ZNF532: variants seen among roughly 807,000 people sequenced by gnomAD.
The protein encoded by ZNF532 is zinc finger protein 532.
ZNF532 carries 22 observed loss-of-function variants against 89.3 expected under a neutral mutation model. The observed-to-expected ratio is 0.25, with a 90% CI of 0.18 to 0.35. ZNF532 has a LOEUF of 0.35. Among genes scored for constraint, ZNF532 ranks in the 10% least tolerant of loss-of-function variants. The probability of loss-of-function intolerance (pLI) is 1.00; values close to 1 mark genes in which losing one functional copy is unlikely to be tolerated. For missense variants in ZNF532, 1,132 were observed against 1,643.4 expected, an observed-to-expected ratio of 0.69 and a Z score of 5.38; for synonymous variants, 606 against 649.6, an observed-to-expected ratio of 0.93 and a Z score of 1.02.
At chr18:58,884,104 C>T (rs1242131090) in intron 2 of ZNF532, among the ~76,000 whole-genome samples, 2 of 152,254 alleles carry the variant, frequency 1.3e-5, no homozygotes, top group African/African-American at 4.8e-5. Context: ...CTTGGCCGGG[C>T]ACAGTGGCTT....
intron 2 of ZNF532, among the ~76,000 whole-genome samples, chr18:58,875,142 T>C (rs2057324396): frequency 6.7e-6 from 1 of 149,172 alleles, no homozygotes; most frequent in African/African-American, 2.5e-5. Flanking sequence ...CTATTTCACC[T>C]TTCCCCCCCC....
intron 2 of ZNF532, among the ~76,000 whole-genome samples, chr18:58,877,815 A>AGGAT (rs894173407): frequency 2.0e-5 from 3 of 152,174 alleles, no homozygotes; most frequent in Admixed American, 6.5e-5. Flanking sequence ...GTGTGTCCTA[A>AGGAT]GGATGGTCAA....
chr18:58,863,557 C>G (rs1274874846), upstream of ZNF532: 1 of 3,056 alleles, frequency 3.3e-4, no homozygotes, highest in Non-Finnish European at 7.2e-4. Context: ...CCACCGCACA[C>G]GCACACACAG....
chr18:58,930,982 C>G (rs1056022234), intron 3 of ZNF532, among the ~76,000 whole-genome samples: 1 of 152,046 alleles, frequency 6.6e-6, no homozygotes, highest in Admixed American at 6.5e-5. Context: ...AATGTGGGTA[C>G]TTTTCGGCTT....
intron 2 of ZNF532, among the ~76,000 whole-genome samples, chr18:58,875,081 A>G (rs918199701): frequency 1.3e-5 from 2 of 152,322 alleles, no homozygotes; most frequent in East Asian, 3.9e-4. Flanking sequence ...GAAAAAAAAC[A>G]GAATATCTTG....
chr18:58,940,852 T>TG (rs2062923513), intron 5 of ZNF532, among the ~76,000 whole-genome samples: 2 of 141,076 alleles, frequency 1.4e-5, no homozygotes, highest in South Asian at 4.4e-4. Flanking sequence ...CCAAATCTGT[T>TG]GCTGTGTTTT....
chr18:58,948,458 C>A (rs1443751237), intron 6 of ZNF532, among the ~76,000 whole-genome samples: 1 of 151,918 alleles, frequency 6.6e-6, no homozygotes, highest in Non-Finnish European at 1.5e-5. Flanking sequence ...TGAAAAGGAA[C>A]CAATGTCTGC....
Position 58,910,004 on chromosome 18 carries a change from G to A in ZNF532, c.-17-8267G>A, listed in dbSNP as rs143138890. Among the ~76,000 whole-genome samples the A allele has an allele frequency of 8.5e-5, 13 of 152,194 alleles. No individual in the cohort carries two copies. In the East Asian group the frequency reaches 2.5e-3, roughly 29 times the overall value. On this transcript the variant is annotated intron_variant, in intron 2 of 9. Coordinates refer to ENST00000591808, the MANE Select transcript of ZNF532 (RefSeq NM_001375912.1). ...GTTTGTAATCCCTGTGTTTTGGGAGGCCAAGGTGGAAGGATCACTGGAGCC... is the reference window on the plus strand; with the variant it reads ...GTTTGTAATCCCTGTGTTTTGGGAGACCAAGGTGGAAGGATCACTGGAGCC...
intron 2 of ZNF532, among the ~76,000 whole-genome samples, chr18:58,890,763 C>T (rs1465410791): frequency 6.6e-6 from 1 of 151,954 alleles, no homozygotes; most frequent in Non-Finnish European, 1.5e-5. Flanking sequence ...CCTCCTCCCC[C>T]ACTCCACCTC....
intron 2 of ZNF532, among the ~76,000 whole-genome samples, chr18:58,908,543 A>G (rs1010910861): frequency 2.0e-5 from 3 of 152,214 alleles, no homozygotes; most frequent in Non-Finnish European, 2.9e-5. Flanking sequence ...ATAAACATTC[A>G]AATAATAGGA....
At chr18:58,965,201 A>G (rs538627915) in intron 7 of ZNF532, among the ~76,000 whole-genome samples, 2 of 152,316 alleles carry the variant, frequency 1.3e-5, no homozygotes, top group South Asian at 4.1e-4. Flanking sequence ...ATTAAAGTAC[A>G]TATTGAACTA....
At chr18:58,907,146 A>T (rs2059979563) in intron 2 of ZNF532, among the ~76,000 whole-genome samples, 1 of 152,086 alleles carries the variant, frequency 6.6e-6, no homozygotes, top group African/African-American at 2.4e-5. Context: ...GTCCTTTCAG[A>T]TATGACCATT....
intron 2 of ZNF532, among the ~76,000 whole-genome samples, chr18:58,883,917 AAAAG>A (rs2058098222): frequency 6.6e-6 from 1 of 152,194 alleles, no homozygotes; most frequent in South Asian, 2.1e-4. Flanking sequence ...TGAAAATTGC[AAAAG>A]AAAGACCTCT....
rs757217274 is a variant in ZNF532, at chr18:58,919,338, C to T, written c.1051C>T (p.Pro351Ser). ...ENSSKGSPSSPAGSTPAIPKV... is the reference protein window; with the variant it reads ...ENSSKGSPSSSAGSTPAIPKV... The stretch of plus-strand genomic sequence containing the variant: ...CAGCAGCAAAGGATCCCCGTCCTCT[C>T]CCGCAGGGTCCACACCAGCAATCCC... Residue 351 changes from proline to serine, a missense_variant, in exon 3 of 10, where the codon CCC (proline) becomes TCC (serine). Coordinates refer to ENST00000591808, the MANE Select transcript of ZNF532 (RefSeq NM_001375912.1). The surrounding 1 kb of genome is among the most constrained non-coding windows in gnomAD (Gnocchi z 6.1). The T allele has an allele frequency of 1.2e-6, 2 of 1,614,196 alleles. No homozygotes were observed. The highest frequency in any genetic ancestry group is 2.2e-5 in the East Asian group (1 of 44,882).
At chr18:58,981,092 C>T (rs3826597) in intron 8 of ZNF532, 21,084 of 212,302 alleles carry the variant, frequency 0.099, 1,829 homozygotes, top group African/African-American at 0.27. Flanking sequence ...GCTTTTGTGC[C>T]TGGAAGAATT....
chr18:58,928,174 T>C (rs1306660382), intron 3 of ZNF532, among the ~76,000 whole-genome samples: 1 of 152,112 alleles, frequency 6.6e-6, no homozygotes, highest in Non-Finnish European at 1.5e-5. Context: ...CAGCAGAGGG[T>C]CTGTCTGCCT....
intron 2 of ZNF532, chr18:58,916,664 T>C (rs2060623024): frequency 2.0e-6 from 2 of 979,598 alleles, no homozygotes; most frequent in Admixed American, 1.2e-4. Context: ...TAAGTGTTGA[T>C]TTCGCCTTCA....
chr18:58,929,156 T>A (rs947465573), intron 3 of ZNF532, among the ~76,000 whole-genome samples: 13 of 152,220 alleles, frequency 8.5e-5, no homozygotes, highest in African/African-American at 3.1e-4. Context: ...GTTCATTCTT[T>A]CTGCTTCTCT....
chr18:58,880,765 C>CGTGTGT lies in ZNF532; in HGVS notation c.-18+15187_-18+15188insTGTGTG, dbSNP rs1367707974. 2.0e-3 allele frequency among the ~76,000 whole-genome samples: 256 copies of CGTGTGT among 131,196 alleles called. 1 individual carries two copies. The highest frequency in any genetic ancestry group is 7.2e-3 in the Middle Eastern group (2 of 276). 86.1% of individuals were successfully genotyped at this position (131,196 alleles called of 152,430 possible). A position where few individuals can be genotyped will look rare whatever the true frequency, so the allele number is the denominator to read the frequency against. Reference sequence around the variant, plus strand: ...GCCCTCTCATAGGCGCGCGCGCACGCGCGCGCGTCTGTGTGTGTGTGTGTA... The same window carrying CGTGTGT: ...GCCCTCTCATAGGCGCGCGCGCACGCGTGTGTGCGCGCGTCTGTGTGTGTGTGTGTA... On this transcript the variant is annotated intron_variant, in intron 2 of 9. Transcript: ENST00000591808.
Sources: gnomAD v4.1 joint callset for allele counts (sites outside exome capture counted in the v4.1 genomes callset) on GRCh38, gnomAD v4.1.1 for gene constraint, Gnocchi (gnomAD v3.1) non-coding constraint, MANE v1.5 for transcripts, NCBI Gene and HGNC (gene_info 2026-07-23, HGNC 2026-07-21) for gene names.